Variants in AK7 observed in about 807,000 individuals in gnomAD.
AK7 encodes the protein adenylate kinase 7, also known as ATP-AMP transphosphorylase 7.
A neutral mutation model predicts 96.6 loss-of-function variants in AK7; 78 were observed. The observed-to-expected ratio is 0.81, with a 90% confidence interval of 0.67 to 0.97. AK7 has a LOEUF of 0.97. Ranked by LOEUF, AK7 falls within the 50% of genes least tolerant of loss-of-function variation. The pLI, the probability that AK7 is intolerant of heterozygous loss-of-function variation, is 0.00. For synonymous variants in AK7, 302 were observed against 317.2 expected (o/e 0.95, Z 0.51); for missense variants, 855 against 887.9 (o/e 0.96, Z 0.47).
chr14:96,412,285 T>C (rs1355547289), intron 4 of AK7, among the ~76,000 whole-genome samples: 2 of 147,176 alleles, frequency 1.4e-5, no homozygotes, highest in African/African-American at 2.5e-5. Flanking sequence ...TGGAGTACAA[T>C]GGCACAATCT....
chr14:96,454,044 G>A (rs977797641), intron 10 of AK7, among the ~76,000 whole-genome samples: 21 of 152,052 alleles, frequency 1.4e-4, no homozygotes, highest in African/African-American at 4.1e-4. Context: ...CTCCCTATCC[G>A]ATGGGACCAC....
chr14:96,393,242 G>C (rs1021322121), intron 1 of AK7, among the ~76,000 whole-genome samples: 1 of 152,172 alleles, frequency 6.6e-6, no homozygotes, highest in Non-Finnish European at 1.5e-5. Flanking sequence ...CTGTCCTCTA[G>C]AGCTACAGAG....
At chr14:96,467,841 A>G (rs1465793836) in intron 12 of AK7, among the ~76,000 whole-genome samples, 1 of 152,172 alleles carries the variant, frequency 6.6e-6, no homozygotes, top group Non-Finnish European at 1.5e-5. Flanking sequence ...ATCTTTAAGA[A>G]TAACTGTATG....
chr14:96,404,913 G>T (rs758792917), intron 3 of AK7, 48 bp downstream of exon 3: 1 of 1,376,408 alleles, frequency 7.3e-7, no homozygotes, highest in Non-Finnish European at 1.0e-6. Flanking sequence ...TTGTAGTGCT[G>T]CCTACTTCAC....
At chr14:96,405,963 A>G (rs1196821192) in intron 3 of AK7, among the ~76,000 whole-genome samples, 1 of 152,048 alleles carries the variant, frequency 6.6e-6, no homozygotes, top group Non-Finnish European at 1.5e-5. Context: ...GAAAAGTGTA[A>G]TGAACTGTAA....
intron 5 of AK7, chr14:96,423,799 G>A: frequency 1.3e-6 from 1 of 751,932 alleles, no homozygotes; most frequent in African/African-American, 1.7e-5. Flanking sequence ...TTTTACGGGG[G>A]GACGCCACCT....
At chr14:96,436,672 A>C (rs1892653171) in intron 5 of AK7, among the ~76,000 whole-genome samples, 1 of 151,546 alleles carries the variant, frequency 6.6e-6, no homozygotes, top group Non-Finnish European at 1.5e-5. Context: ...AACAAACAAA[A>C]AACTCCTGTC....
At chr14:96,427,280 C>T (rs1311945149) in intron 5 of AK7, among the ~76,000 whole-genome samples, 1 of 152,138 alleles carries the variant, frequency 6.6e-6, no homozygotes, top group East Asian at 1.9e-4. Context: ...TTAATTGACT[C>T]ACAGCACAGT....
chr14:96,407,256 C>T (rs571338525), intron 3 of AK7, among the ~76,000 whole-genome samples: 3 of 152,104 alleles, frequency 2.0e-5, no homozygotes, highest in Non-Finnish European at 2.9e-5. Context: ...AACTAAAGCT[C>T]GGCAGGGCAG....
chr14:96,448,735 C>CCCT (rs1893395687), intron 8 of AK7, among the ~76,000 whole-genome samples: 1 of 150,970 alleles, frequency 6.6e-6, no homozygotes, highest in African/African-American at 2.4e-5. Context: ...GCAGGCAGAT[C>CCCT]CCTTGAGGTC....
At chr14:96,437,960 G>C (rs186036906) in intron 6 of AK7, 45 bp downstream of exon 6, 3 of 1,547,432 alleles carry the variant, frequency 1.9e-6, no homozygotes, top group African/African-American at 2.7e-5. Flanking sequence ...AGTGTCTTAC[G>C]ATACAGATAC....
At position 96,488,391 on chromosome 14, in the gene AK7, T is replaced by G. The variant is rs767654354; in HGVS notation, c.*48T>G. The stretch of plus-strand genomic sequence containing the variant: ...CTACCTTTACAGAACCACAGATCAC[T>G]TATTATACTTTGAAAAATTGCTTTG... On this transcript the variant is annotated 3_prime_UTR_variant, in exon 18 of 18. Coordinates refer to ENST00000267584, the MANE Select transcript of AK7 (RefSeq NM_152327.5). The G allele has an allele frequency of 3.7e-5, 56 of 1,512,626 alleles. No homozygotes were observed. The highest frequency in any genetic ancestry group is 4.9e-5 in the Non-Finnish European group (55 of 1,118,216). 93.7% of individuals were successfully genotyped at this position (1,512,626 alleles called of 1,614,324 possible).
chr14:96,446,404 A>G (rs2140101194), intron 7 of AK7, 113 bp from the exon 8 acceptor site: 1 of 814,196 alleles, frequency 1.2e-6, no homozygotes. Flanking sequence ...GAGATAACTT[A>G]TCAAAGCACC....
chr14:96,438,570 T>C (rs1892779237), intron 6 of AK7, among the ~76,000 whole-genome samples: 1 of 152,176 alleles, frequency 6.6e-6, no homozygotes, highest in South Asian at 2.1e-4. Context: ...TCTAGATCAA[T>C]CTAGCTGAAG....
chr14:96,459,346 A>AG (rs1404486646), intron 12 of AK7, among the ~76,000 whole-genome samples: 1 of 151,940 alleles, frequency 6.6e-6, no homozygotes, highest in African/African-American at 2.4e-5. Flanking sequence ...TCAAAAAAAA[A>AG]GAAAAAAAAA....
chr14:96,420,983 T>G (rs1303155176), intron 5 of AK7, 51 bp downstream of exon 5: 1 of 1,299,752 alleles, frequency 7.7e-7, no homozygotes, highest in Admixed American at 1.8e-5. Flanking sequence ...TTTAAACATC[T>G]CTTTGTGTGG....
At chr14:96,455,508 A>G (rs1024302718) in intron 10 of AK7, among the ~76,000 whole-genome samples, 5 of 152,128 alleles carry the variant, frequency 3.3e-5, no homozygotes, top group African/African-American at 1.2e-4. Flanking sequence ...ACAAAACAAA[A>G]CAAATAATTA....
At chr14:96,411,215 A>T (rs1369904233) in intron 4 of AK7, among the ~76,000 whole-genome samples, 2 of 152,012 alleles carry the variant, frequency 1.3e-5, no homozygotes, top group African/African-American at 4.8e-5. Context: ...TTAATTTTTT[A>T]AAAGAAAAAT....
At chr14:96,435,168 A>G (rs1021296615) in intron 5 of AK7, among the ~76,000 whole-genome samples, 1 of 152,104 alleles carries the variant, frequency 6.6e-6, no homozygotes, top group Admixed American at 6.6e-5. Flanking sequence ...TCTCAAGCAG[A>G]AGGAGTTTTG....
Sources: allele counts gnomAD v4.1 joint callset (sites outside exome capture counted in the v4.1 genomes callset), GRCh38; gene constraint gnomAD v4.1.1; transcripts MANE v1.5; gene names NCBI Gene and HGNC (gene_info 2026-07-23, HGNC 2026-07-21).